C8orf34: variants seen among roughly 807,000 people sequenced by gnomAD.
C8orf34 encodes the protein chromosome 8 open reading frame 34, also known as uncharacterized protein C8orf34.
Under a neutral mutation model 68.3 loss-of-function variants are expected in C8orf34, and 65 were observed. That is an observed-to-expected ratio of 0.95 (90% CI 0.78 to 1.17). The LOEUF (loss-of-function observed/expected upper bound fraction) is 1.17. C8orf34 is among the 50% of genes most tolerant of loss of function. The pLI is 0.00. For synonymous variants in C8orf34, 244 were observed against 241.2 expected, an observed-to-expected ratio of 1.01 and a Z score of -0.11; for missense variants, 664 against 655.4, an observed-to-expected ratio of 1.01 and a Z score of -0.14.
intron 7 of C8orf34, among the ~76,000 whole-genome samples, chr8:68,553,444 G>T (rs1462903045): frequency 6.9e-6 from 1 of 145,788 alleles, no homozygotes; most frequent in African/African-American, 2.5e-5. Context: ...AAGAGTTTAT[G>T]AAACACCAGT....
chr8:68,471,025 C>T (rs954395599), intron 4 of C8orf34, among the ~76,000 whole-genome samples: 3 of 152,046 alleles, frequency 2.0e-5, no homozygotes, highest in Non-Finnish European at 2.9e-5. Flanking sequence ...TAAAGACAGA[C>T]CTTGGTCATC....
chr8:68,572,793 G>C (rs932554858), intron 7 of C8orf34, among the ~76,000 whole-genome samples: 1 of 152,122 alleles, frequency 6.6e-6, no homozygotes, highest in Non-Finnish European at 1.5e-5. Flanking sequence ...CAGGATTGGA[G>C]TGTGATGGTC....
chr8:68,614,671 A>G (rs992994689), intron 7 of C8orf34, among the ~76,000 whole-genome samples: 1 of 152,144 alleles, frequency 6.6e-6, no homozygotes, highest in Non-Finnish European at 1.5e-5. Context: ...TACCAGTACC[A>G]TGCTGTTTTG....
At position 68,469,275 on chromosome 8, in the gene C8orf34, A is replaced by AT. The variant is rs906825421; in HGVS notation, c.736+463dup. Among the ~76,000 whole-genome samples the AT allele has an allele frequency of 4.6e-4, 70 of 151,714 alleles. 1 individual carries two copies. Among genetic ancestry groups the AT allele is most frequent in the African/African-American group, 1.3e-3 (53 of 41,430 alleles). ...GAGCCTAGCACAATGCCTAGTGATT[A>AT]TTTTTTTTAATGAAAGCAACATCTC... On this transcript the variant is annotated intron_variant, in intron 4 of 13. Coordinates refer to ENST00000518698, the MANE Select transcript of C8orf34 (RefSeq NM_052958.4).
chr8:68,810,763 C>G (rs189715396), intron 12 of C8orf34, among the ~76,000 whole-genome samples: 1 of 152,102 alleles, frequency 6.6e-6, no homozygotes, highest in Non-Finnish European at 1.5e-5. Context: ...GCTCAGCTCT[C>G]GCCTGAGAGG....
At chr8:68,663,214 TTTTG>T (rs1819735786) in intron 8 of C8orf34, among the ~76,000 whole-genome samples, 1 of 152,220 alleles carries the variant, frequency 6.6e-6, no homozygotes, top group Non-Finnish European at 1.5e-5. Flanking sequence ...ATCCTTATTT[TTTTG>T]TTTGTTTCAG....
intron 1 of C8orf34, among the ~76,000 whole-genome samples, chr8:68,349,926 G>A (rs1334360295): frequency 6.6e-6 from 1 of 151,260 alleles, no homozygotes; most frequent in Non-Finnish European, 1.5e-5. Flanking sequence ...TCCTGGTTTG[G>A]TTGATCTTTT....
rs747862590 is a variant in C8orf34, at chr8:68,575,956, G to GGTTTTTTTTTTTTTTTTTTTTTTTTTT, written c.1105+42807_1105+42808insGTTTTTTTTTTTTTTTTTTTTTTTTTT. ...GCTGACATAATGCTAGTAGATGGTT[G>GGTTTTTTTTTTTTTTTTTTTTTTTTTT]TTTTTTTTTTTTTTTTTTTTTGCCT... On this transcript the variant is annotated intron_variant, in intron 7 of 13. Coordinates refer to ENST00000518698, the MANE Select transcript of C8orf34 (RefSeq NM_052958.4). Among the ~76,000 whole-genome samples, 6 of 96,350 alleles carry GGTTTTTTTTTTTTTTTTTTTTTTTTTT rather than the reference G, an allele frequency of 6.2e-5. 2 individuals carry two copies. The highest frequency in any genetic ancestry group is 6.3e-5 in the Non-Finnish European group (3 of 47,324). 63.2% of individuals were successfully genotyped at this position (96,350 alleles called of 152,430 possible).
chr8:68,330,399 C>T (rs1805516083), upstream of C8orf34, among the ~76,000 whole-genome samples: 1 of 152,090 alleles, frequency 6.6e-6, no homozygotes, highest in African/African-American at 2.4e-5. Flanking sequence ...CAGCTGGGTT[C>T]TCAGGCTGCG....
chr8:68,599,424 G>C (rs1817634840), intron 7 of C8orf34, among the ~76,000 whole-genome samples: 1 of 151,926 alleles, frequency 6.6e-6, no homozygotes, highest in Non-Finnish European at 1.5e-5. Flanking sequence ...GAAGAACAAA[G>C]TGGAAGATTC....
At chr8:68,368,554 G>A (rs146833244) in intron 1 of C8orf34, among the ~76,000 whole-genome samples, 161 of 151,986 alleles carry the variant, frequency 1.1e-3, no homozygotes, top group African/African-American at 3.6e-3. Flanking sequence ...TTTTTGTGTG[G>A]GTCCTGATTT....
intron 11 of C8orf34, among the ~76,000 whole-genome samples, chr8:68,785,301 G>T (rs1377820079): frequency 6.6e-6 from 1 of 152,008 alleles, no homozygotes; most frequent in African/African-American, 2.4e-5. Flanking sequence ...AATTCATACC[G>T]ACGTCTTTAA....
At chr8:68,773,158 G>A (rs1013614202) in intron 10 of C8orf34, among the ~76,000 whole-genome samples, 16 of 152,088 alleles carry the variant, frequency 1.1e-4, no homozygotes, top group African/African-American at 3.6e-4. Context: ...TTTCATTAGC[G>A]ATCCCAGTGA....
At chr8:68,662,482 C>T (rs1381411068) in intron 8 of C8orf34, among the ~76,000 whole-genome samples, 2 of 152,028 alleles carry the variant, frequency 1.3e-5, no homozygotes, top group Admixed American at 6.6e-5. Context: ...GGGGAAGTTT[C>T]CCCCATACTG....
chr8:68,696,263 A>G (rs1469063280), intron 8 of C8orf34, among the ~76,000 whole-genome samples: 1 of 148,158 alleles, frequency 6.7e-6, no homozygotes, highest in Non-Finnish European at 1.5e-5. Flanking sequence ...CATATAATAA[A>G]TATGAACAGT....
intron 10 of C8orf34, among the ~76,000 whole-genome samples, chr8:68,740,373 G>A (rs77385291): frequency 0.061 from 9,205 of 152,062 alleles, 371 homozygotes; most frequent in Middle Eastern, 0.11. Context: ...CTAATATTCA[G>A]CATCTATAGG....
intron 1 of C8orf34, among the ~76,000 whole-genome samples, chr8:68,427,329 T>G (rs1337586320): frequency 6.6e-6 from 1 of 152,146 alleles, no homozygotes; most frequent in African/African-American, 2.4e-5. Flanking sequence ...AAACACACTA[T>G]GGTACACCTA....
intron 1 of C8orf34, among the ~76,000 whole-genome samples, chr8:68,354,909 C>T (rs1004558614): frequency 3.3e-5 from 5 of 151,722 alleles, no homozygotes; most frequent in Non-Finnish European, 7.4e-5. Flanking sequence ...GAGCATGGGC[C>T]ATAAAGCAGG....
At chr8:68,783,528 A>AC (rs1244634846) in intron 11 of C8orf34, among the ~76,000 whole-genome samples, 1 of 150,244 alleles carries the variant, frequency 6.7e-6, no homozygotes, top group Admixed American at 6.6e-5. Context: ...CATCTCAAAA[A>AC]AAAAAAAAAA....
Sources: allele counts gnomAD v4.1 joint callset (sites outside exome capture counted in the v4.1 genomes callset), GRCh38; gene constraint gnomAD v4.1.1; transcripts MANE v1.5; gene names NCBI Gene and HGNC (gene_info 2026-07-23, HGNC 2026-07-21).